KCNMB4: variants seen among roughly 807,000 people sequenced by gnomAD.
KCNMB4 encodes the protein calcium-activated potassium channel subunit beta-4.
A neutral mutation model predicts 20.7 loss-of-function variants in KCNMB4; 3 were observed. The observed-to-expected ratio is 0.14, with a 90% confidence interval of 0.07 to 0.37. The LOEUF (loss-of-function observed/expected upper bound fraction) is 0.37, where lower values mean the gene tolerates loss of function less well. KCNMB4 is among the 10% of genes least tolerant of loss of function. KCNMB4 has a pLI of 1.00. For synonymous variants in KCNMB4, 110 were observed against 113.4 expected (o/e 0.97, Z 0.19); for missense variants, 168 against 265.9 (o/e 0.63, Z 2.56).
intron 1 of KCNMB4, among the ~76,000 whole-genome samples, chr12:70,370,771 C>CA (rs57014123): frequency 0.59 from 83,575 of 141,476 alleles, 25,009 homozygotes; most frequent in East Asian, 0.93. Flanking sequence ...ATTGGATGGC[C>CA]AAAAAAAAAA....
chr12:70,430,525 G>A lies in KCNMB4; in HGVS notation c.505G>A (p.Val169Ile). ...TCTGCATCGCACTCATGATGAGATTGTCCTCCTGCATTGCTTCCTCTGGCC... is the reference window on the plus strand; with the variant it reads ...TCTGCATCGCACTCATGATGAGATTATCCTCCTGCATTGCTTCCTCTGGCC... Reference protein sequence around the residue: ...VLLHRTHDEIVLLHCFLWPLV... With the variant: ...VLLHRTHDEIILLHCFLWPLV... Residue 169 changes from valine to isoleucine, a missense_variant, in exon 3 of 3, where the codon GTC becomes ATC. Coordinates refer to ENST00000258111, the MANE Select transcript of KCNMB4 (RefSeq NM_014505.6). The A allele has an allele frequency of 6.2e-7, 1 of 1,613,076 alleles. No individual in the cohort carries two copies. The highest frequency in any genetic ancestry group is 8.5e-7 in the Non-Finnish European group (1 of 1,179,608).
intron 1 of KCNMB4, among the ~76,000 whole-genome samples, chr12:70,392,231 T>C (rs536003581): frequency 2.6e-4 from 40 of 152,350 alleles, no homozygotes; most frequent in African/African-American, 9.1e-4. Flanking sequence ...CATAAGAGTA[T>C]TGACCATCTC....
At chr12:70,429,508 T>C (rs977050651) in intron 2 of KCNMB4, among the ~76,000 whole-genome samples, 4 of 151,508 alleles carry the variant, frequency 2.6e-5, no homozygotes, top group African/African-American at 9.7e-5. Context: ...CTACTAAAAA[T>C]ACAAAAAAAT....
At chr12:70,425,476 G>A (rs750119163) in intron 2 of KCNMB4, among the ~76,000 whole-genome samples, 5 of 151,960 alleles carry the variant, frequency 3.3e-5, no homozygotes, top group South Asian at 2.1e-4. Flanking sequence ...AATAATACTC[G>A]CATCAAGGCT....
intron 1 of KCNMB4, among the ~76,000 whole-genome samples, chr12:70,388,203 C>T (rs765106362): frequency 1.3e-4 from 20 of 151,992 alleles, no homozygotes; most frequent in Admixed American, 3.9e-4. Context: ...TATATGTACC[C>T]CATTTTCTTT....
intron 2 of KCNMB4, among the ~76,000 whole-genome samples, chr12:70,404,111 A>C (rs1184837559): frequency 6.6e-6 from 1 of 152,252 alleles, no homozygotes; most frequent in Non-Finnish European, 1.5e-5. Flanking sequence ...AAGATACCTT[A>C]GGTAAATAAG....
At chr12:70,403,264 T>C (rs541011335) in intron 2 of KCNMB4, among the ~76,000 whole-genome samples, 4 of 152,300 alleles carry the variant, frequency 2.6e-5, no homozygotes, top group African/African-American at 9.6e-5. Context: ...GGCTTCTATT[T>C]ACAACTCTCT....
At chr12:70,423,920 A>C (rs1773385961) in intron 2 of KCNMB4, among the ~76,000 whole-genome samples, 1 of 152,238 alleles carries the variant, frequency 6.6e-6, no homozygotes, top group South Asian at 2.1e-4. Context: ...GGGGCCTGTG[A>C]ATTAAACTGA....
At chr12:70,406,713 AC>A (rs1162578585) in intron 2 of KCNMB4, among the ~76,000 whole-genome samples, 2 of 151,918 alleles carry the variant, frequency 1.3e-5, no homozygotes, top group Non-Finnish European at 2.9e-5. Context: ...ATGTTGATGA[AC>A]GTCCTCTCAC....
chr12:70,403,534 A>G (rs1028632689), intron 2 of KCNMB4, among the ~76,000 whole-genome samples: 3 of 152,160 alleles, frequency 2.0e-5, no homozygotes, highest in African/African-American at 7.2e-5. Flanking sequence ...GGGTTTCACC[A>G]TGTTAGCCAG....
intron 2 of KCNMB4, among the ~76,000 whole-genome samples, chr12:70,420,503 G>A (rs193234844): frequency 7.3e-4 from 111 of 152,238 alleles, no homozygotes; most frequent in Non-Finnish European, 7.9e-4. Context: ...AAGAATGCAG[G>A]AAAGGATGCT....
intron 1 of KCNMB4, among the ~76,000 whole-genome samples, chr12:70,383,071 C>G (rs1292578263): frequency 1.3e-5 from 2 of 152,142 alleles, no homozygotes; most frequent in African/African-American, 4.8e-5. Flanking sequence ...AGTAAAAATA[C>G]AGTATTATAA....
Position 70,430,683 on chromosome 12 carries a change from A to T in KCNMB4, c.*30A>T, listed in dbSNP as rs1301088847. On this transcript the variant is annotated 3_prime_UTR_variant, in exon 3 of 3. Coordinates refer to ENST00000258111, the MANE Select transcript of KCNMB4 (RefSeq NM_014505.6). ...GAAGGAGGCTTGTAGAAAGCAAAGT[A>T]CAGAAGCTGTACTCATCGGCACGCG... 2 of 1,587,168 alleles carry T rather than the reference A, an allele frequency of 1.3e-6. No homozygotes were observed. Among genetic ancestry groups the T allele is most frequent in the East Asian group, 4.5e-5 (2 of 44,432 alleles).
intron 1 of KCNMB4, among the ~76,000 whole-genome samples, chr12:70,370,585 G>A (rs1416727045): frequency 6.6e-6 from 1 of 152,074 alleles, no homozygotes; most frequent in East Asian, 1.9e-4. Context: ...TGGGATTACA[G>A]GCATGAGCCA....
chr12:70,433,375 A>G lies in KCNMB4; in HGVS notation c.*2722A>G, dbSNP rs1869417728. ...GGATATAGGAGTCATCTACCTTGTTAGTTCTCTTAATACCCAAGGGTATTG... is the reference window on the plus strand; with the variant it reads ...GGATATAGGAGTCATCTACCTTGTTGGTTCTCTTAATACCCAAGGGTATTG... On this transcript the variant is annotated 3_prime_UTR_variant, in exon 3 of 3. Coordinates refer to ENST00000258111, the MANE Select transcript of KCNMB4 (RefSeq NM_014505.6). The G allele has an allele frequency of 6.6e-6, 1 of 152,158 alleles. No homozygotes were observed. Among genetic ancestry groups the G allele is most frequent in the South Asian group, 2.1e-4 (1 of 4,836 alleles). 9.4% of individuals were successfully genotyped at this position (152,158 alleles called of 1,614,324 possible).
intron 2 of KCNMB4, among the ~76,000 whole-genome samples, chr12:70,415,783 G>A (rs962859067): frequency 5.3e-5 from 8 of 151,144 alleles, no homozygotes; most frequent in African/African-American, 9.7e-5. Flanking sequence ...GATTTCAACA[G>A]TAAGCCAACA....
chr12:70,422,121 A>C (rs2136141746), intron 2 of KCNMB4, among the ~76,000 whole-genome samples: 1 of 152,332 alleles, frequency 6.6e-6, no homozygotes, highest in Middle Eastern at 3.4e-3. Context: ...ACTACAAAGT[A>C]GGTTAACAAG....
chr12:70,377,548 G>A (rs868092163), intron 1 of KCNMB4, among the ~76,000 whole-genome samples: 4 of 152,326 alleles, frequency 2.6e-5, no homozygotes, highest in Middle Eastern at 3.4e-3. Context: ...AATCAGGGTG[G>A]TGGTTGCTGA....
chr12:70,425,226 G>A (rs947333641), intron 2 of KCNMB4, among the ~76,000 whole-genome samples: 6 of 152,010 alleles, frequency 3.9e-5, no homozygotes, highest in South Asian at 2.1e-4. Context: ...CACAAGGTCA[G>A]GAGATCAAGA....
Sources: gnomAD v4.1 joint callset for allele counts (sites outside exome capture counted in the v4.1 genomes callset) on GRCh38, gnomAD v4.1.1 for gene constraint, MANE v1.5 for transcripts, NCBI Gene and HGNC (gene_info 2026-07-23, HGNC 2026-07-21) for gene names.